The following ADAM2 variants were observed in gnomAD, a reference collection of about 807,000 sequenced individuals.
The protein encoded by ADAM2 is ADAM metallopeptidase domain 2, also known as disintegrin and metalloproteinase domain-containing protein 2.
A neutral mutation model predicts 99.3 loss-of-function variants in ADAM2; 101 were observed. The ratio of observed to expected loss-of-function variants is 1.02; its 90% CI spans 0.87 to 1.20. ADAM2 has a LOEUF of 1.20. Among genes scored for constraint, ADAM2 ranks in the 50% most tolerant of loss-of-function variants. The pLI, the probability that ADAM2 is intolerant of heterozygous loss-of-function variation, is 0.00. For missense variants in ADAM2, 948 were observed against 878.7 expected, an observed-to-expected ratio of 1.08 and a Z score of -1.00; for synonymous variants, 323 against 287.6, an observed-to-expected ratio of 1.12 and a Z score of -1.25.
intron 6 of ADAM2, among the ~76,000 whole-genome samples, chr8:39,814,921 A>G (rs1804876261): frequency 6.6e-6 from 1 of 151,758 alleles, no homozygotes; most frequent in Admixed American, 6.6e-5. Context: ...AATATTTAAA[A>G]TGTGAATGTA....
chr8:39,744,039 C>T lies in ADAM2; in HGVS notation c.*56G>A, dbSNP rs537568988. Reference sequence around the variant, plus strand: ...TTTCTTTCCATTTTTTTGTGTCCATCCATCACAGATAATTACTCTAGAAGA... The same window carrying T: ...TTTCTTTCCATTTTTTTGTGTCCATTCATCACAGATAATTACTCTAGAAGA... On this transcript the variant is annotated 3_prime_UTR_variant, in exon 21 of 21. Coordinates refer to ENST00000265708, the MANE Select transcript of ADAM2 (RefSeq NM_001464.5). 3.1e-4 allele frequency: 47 copies of T among 151,776 alleles called. No individual in the cohort carries two copies. Among genetic ancestry groups the T allele is most frequent in the Non-Finnish European group, 6.2e-4 (42 of 67,912 alleles). 9.4% of individuals were successfully genotyped at this position (151,776 alleles called of 1,614,324 possible). A position where few individuals can be genotyped will look rare whatever the true frequency, so the allele number is the denominator to read the frequency against.
At chr8:39,763,314 C>T (rs1026247156) in intron 14 of ADAM2, among the ~76,000 whole-genome samples, 3 of 152,118 alleles carry the variant, frequency 2.0e-5, no homozygotes, top group East Asian at 1.9e-4. Flanking sequence ...AAATAGATGG[C>T]GAGAATAAAC....
intron 11 of ADAM2, among the ~76,000 whole-genome samples, chr8:39,770,414 T>C (rs1453017438): frequency 6.6e-6 from 1 of 152,136 alleles, no homozygotes; most frequent in Admixed American, 6.6e-5. Flanking sequence ...TCTTCTTAAG[T>C]GTATTTTATT....
intron 10 of ADAM2, among the ~76,000 whole-genome samples, chr8:39,781,654 T>C (rs947336682): frequency 6.6e-6 from 1 of 152,216 alleles, no homozygotes; most frequent in African/African-American, 2.4e-5. Context: ...ATATTGTTGA[T>C]ACTAATCTCT....
intron 11 of ADAM2, among the ~76,000 whole-genome samples, chr8:39,769,943 CTTTTTTCTTTTTTTT>C (rs1250477172): frequency 3.9e-5 from 4 of 102,084 alleles, no homozygotes; most frequent in African/African-American, 7.6e-5. Context: ...TCTTTTTTTT[CTTTTTTCTTTTTTTT>C]TTTTTTGAGA....
At chr8:39,780,937 C>T (rs2129584888) in intron 10 of ADAM2, among the ~76,000 whole-genome samples, 1 of 151,614 alleles carries the variant, frequency 6.6e-6, no homozygotes, top group Admixed American at 6.6e-5. Context: ...GAAACTAAAA[C>T]ATTGTTATCT....
chr8:39,811,849 T>G (rs1804712175), intron 6 of ADAM2, among the ~76,000 whole-genome samples: 1 of 152,264 alleles, frequency 6.6e-6, no homozygotes, highest in African/African-American at 2.4e-5. Flanking sequence ...CTGGAAGCAT[T>G]CCCTTTGAAA....
intron 15 of ADAM2, among the ~76,000 whole-genome samples, chr8:39,760,063 C>A (rs1043711840): frequency 6.6e-6 from 1 of 152,002 alleles, no homozygotes; most frequent in African/African-American, 2.4e-5. Flanking sequence ...GACGGGGATT[C>A]ACCAGGTTGG....
At chr8:39,818,909 C>T (rs7816779) in intron 6 of ADAM2, among the ~76,000 whole-genome samples, 1 of 151,686 alleles carries the variant, frequency 6.6e-6, no homozygotes, top group Non-Finnish European at 1.5e-5. Context: ...TATCTAAAAA[C>T]TAAAAGCTAC....
chr8:39,756,220 A>G (rs1802147558), intron 15 of ADAM2, among the ~76,000 whole-genome samples: 1 of 152,162 alleles, frequency 6.6e-6, no homozygotes, highest in Non-Finnish European at 1.5e-5. Flanking sequence ...TTTTTTTGTG[A>G]TTCCTTCACT....
chr8:39,832,600 T>C (rs979219167), intron 3 of ADAM2, among the ~76,000 whole-genome samples: 4 of 152,222 alleles, frequency 2.6e-5, no homozygotes, highest in Admixed American at 6.5e-5. Flanking sequence ...TACTACTTTA[T>C]TGATATTTTA....
At chr8:39,769,333 G>C (rs947431026) in intron 12 of ADAM2, 59 bp downstream of exon 12, 2 of 1,354,354 alleles carry the variant, frequency 1.5e-6, no homozygotes, top group South Asian at 2.6e-5. Context: ...TTTCTCACTC[G>C]AATTAATAAG....
At chr8:39,755,705 T>C (rs769364258) in intron 16 of ADAM2, 23 bp downstream of exon 16, 19 of 1,575,412 alleles carry the variant, frequency 1.2e-5, no homozygotes, top group Admixed American at 3.5e-5. Flanking sequence ...TAGGAAATTA[T>C]TTGGGAATAA....
At chr8:39,814,898 CAG>C (rs895594531) in intron 6 of ADAM2, among the ~76,000 whole-genome samples, 5 of 150,880 alleles carry the variant, frequency 3.3e-5, no homozygotes, top group African/African-American at 9.7e-5. Flanking sequence ...TGAGATATAA[CAG>C]AGCAAATATC....
rs1804819772 is a variant in ADAM2, at chr8:39,814,120, G to A, written c.514-4654C>T. On this transcript the variant is annotated intron_variant, in intron 6 of 20. Coordinates refer to ENST00000265708, the MANE Select transcript of ADAM2 (RefSeq NM_001464.5). The stretch of plus-strand genomic sequence containing the variant: ...CACCTGTAATCCCAGCACTTTGGGA[G>A]GCCGAGGTGGGTGGATCACTTGAGG... 3.9e-5 allele frequency among the ~76,000 whole-genome samples: 6 copies of A among 152,044 alleles called. No homozygotes were observed. In the South Asian group the frequency reaches 1.2e-3, roughly 31 times the overall value.
At chr8:39,775,803 T>G (rs551827901) in intron 11 of ADAM2, among the ~76,000 whole-genome samples, 2 of 152,236 alleles carry the variant, frequency 1.3e-5, no homozygotes, top group East Asian at 3.9e-4. Flanking sequence ...ATTTACCATT[T>G]TGGTCATCAG....
At chr8:39,819,705 C>T (rs1805098933) in intron 6 of ADAM2, among the ~76,000 whole-genome samples, 2 of 152,076 alleles carry the variant, frequency 1.3e-5, no homozygotes, top group African/African-American at 4.8e-5. Flanking sequence ...GCAAATCTTC[C>T]TTGGATAACC....
chr8:39,776,744 G>T (rs59459903), intron 11 of ADAM2, among the ~76,000 whole-genome samples: 250 of 152,164 alleles, frequency 1.6e-3, no homozygotes, highest in African/African-American at 5.7e-3. Context: ...TCTCAAGCTT[G>T]CATTTGGCTT....
At position 39,781,506 on chromosome 8, in the gene ADAM2, G is replaced by T. The variant is rs557983529; in HGVS notation, c.892-4345C>A. Among the ~76,000 whole-genome samples, 34 of 151,996 alleles carry T rather than the reference G, an allele frequency of 2.2e-4. No homozygotes were observed. The South Asian group carries it at 7.1e-3, about 32-fold the overall frequency. On this transcript the variant is annotated intron_variant, in intron 10 of 20. Transcript: ENST00000265708. Reference sequence around the variant, plus strand: ...TTAAGTATTTATTATTTTATTTCTGGCTAGTTTTTCTAAAAATATAGTTTT... The same window carrying T: ...TTAAGTATTTATTATTTTATTTCTGTCTAGTTTTTCTAAAAATATAGTTTT...
Sources: allele counts gnomAD v4.1 joint callset (sites outside exome capture counted in the v4.1 genomes callset), GRCh38; gene constraint gnomAD v4.1.1; transcripts MANE v1.5; gene names NCBI Gene and HGNC (gene_info 2026-07-23, HGNC 2026-07-21).